The following FIG4 variants were observed in gnomAD, a reference collection of about 807,000 sequenced individuals.
FIG4 encodes polyphosphoinositide phosphatase.
FIG4 carries 112 observed loss-of-function variants against 118.6 expected under a neutral mutation model. The ratio of observed to expected loss-of-function variants is 0.94; its 90% confidence interval spans 0.81 to 1.11. FIG4 has a LOEUF of 1.11. FIG4 is among the 50% of genes least tolerant of loss of function. The pLI is 0.00. For synonymous variants in FIG4, 369 were observed against 381.2 expected (o/e 0.97, Z 0.37); for missense variants, 969 against 1,111.7 (o/e 0.87, Z 1.83).
chr6:109,715,127 T>C lies in FIG4; in HGVS notation c.116T>C (p.Leu39Ser), dbSNP rs373630745. The C allele has an allele frequency of 1.1e-5, 18 of 1,608,040 alleles. No individual in the cohort carries two copies. Among genetic ancestry groups the C allele is most frequent in the Non-Finnish European group, 1.5e-5 (18 of 1,175,062 alleles). ...AATGCAGAAACGAAATATCGTGTCT[T>C]GAAGATTGATAGAACAGAACCAAAA... ...SNNAETKYRV[L>S]KIDRTEPKDL... Residue 39 changes from leucine (L) to serine (S), a missense_variant, in exon 2 of 23, where the codon TTG (leucine) becomes TCG (serine). By Grantham distance (145) the Leu-to-Ser change is moderately radical. Coordinates refer to ENST00000230124, the MANE Select transcript of FIG4 (RefSeq NM_014845.6).
intron 10 of FIG4, among the ~76,000 whole-genome samples, chr6:109,756,609 A>G (rs1013485179): frequency 2.6e-5 from 4 of 152,132 alleles, no homozygotes; most frequent in Non-Finnish European, 5.9e-5. Flanking sequence ...ACATAGTCCC[A>G]TATTTCTTGG....
At chr6:109,814,515 T>A (rs1479642144) in intron 22 of FIG4, among the ~76,000 whole-genome samples, 1 of 152,188 alleles carries the variant, frequency 6.6e-6, no homozygotes, top group East Asian at 1.9e-4. Context: ...CTTGTTTTTT[T>A]CTTGTAATTA....
intron 15 of FIG4, among the ~76,000 whole-genome samples, chr6:109,774,655 T>C (rs560646196): frequency 2.6e-5 from 4 of 152,258 alleles, no homozygotes; most frequent in South Asian, 2.1e-4. Context: ...CAGAAAATGG[T>C]ATGTTGTTCT....
At chr6:109,781,893 C>T (rs1412252747) in intron 16 of FIG4, among the ~76,000 whole-genome samples, 2 of 151,466 alleles carry the variant, frequency 1.3e-5, no homozygotes, top group Non-Finnish European at 3.0e-5. Context: ...TTCCACATAA[C>T]ATTGTTTAGT....
chr6:109,707,380 T>C (rs911851631), intron 1 of FIG4, among the ~76,000 whole-genome samples: 5 of 148,294 alleles, frequency 3.4e-5, no homozygotes, highest in Non-Finnish European at 5.9e-5. Context: ...TATATATACA[T>C]ATATACACAT....
chr6:109,759,788 T>C (rs1229049901), intron 10 of FIG4, among the ~76,000 whole-genome samples: 1 of 152,244 alleles, frequency 6.6e-6, no homozygotes, highest in Non-Finnish European at 1.5e-5. Context: ...TTTGCAAGTC[T>C]AATTTATGAA....
intron 3 of FIG4, among the ~76,000 whole-genome samples, chr6:109,725,641 A>G (rs1263340413): frequency 1.3e-5 from 2 of 152,136 alleles, no homozygotes; most frequent in Non-Finnish European, 1.5e-5. Flanking sequence ...TGCTGGGTCA[A>G]ATGGTATTTC....
At chr6:109,715,327 C>G (rs1775397825) in intron 2 of FIG4, 151 bp downstream of exon 2, 1 of 603,116 alleles carries the variant, frequency 1.7e-6, no homozygotes, top group African/African-American at 1.9e-5. Flanking sequence ...ATTTGAATCT[C>G]CAATCTGATT....
chr6:109,789,240 G>A (rs1778069391), intron 18 of FIG4, among the ~76,000 whole-genome samples: 1 of 152,226 alleles, frequency 6.6e-6, no homozygotes, highest in Non-Finnish European at 1.5e-5. Flanking sequence ...AAGTTCAGAT[G>A]TCAACACTGT....
chr6:109,710,208 A>G (rs751271237), intron 1 of FIG4, among the ~76,000 whole-genome samples: 6 of 152,178 alleles, frequency 3.9e-5, no homozygotes, highest in Non-Finnish European at 8.8e-5. Flanking sequence ...GTCTATTGAG[A>G]TAATCATGTG....
chr6:109,737,803 T>C (rs1776204540), intron 6 of FIG4, among the ~76,000 whole-genome samples: 1 of 152,160 alleles, frequency 6.6e-6, no homozygotes, highest in African/African-American at 2.4e-5. Context: ...ACTAGGCTTA[T>C]TCTAGGCCCC....
At chr6:109,756,067 G>A (rs1776885983) in intron 10 of FIG4, among the ~76,000 whole-genome samples, 1 of 152,192 alleles carries the variant, frequency 6.6e-6, no homozygotes, top group Admixed American at 6.5e-5. Flanking sequence ...TTTTGCAGCG[G>A]CTGGTGCCGG....
In FIG4 at chr6:109,765,998, C is replaced by T. The variant is rs150560537; in HGVS notation, c.1584-731C>T. 2.6e-5 allele frequency among the ~76,000 whole-genome samples: 4 copies of T among 152,302 alleles called. No homozygotes were observed. The East Asian group carries it at 5.8e-4, about 22-fold the overall frequency. On this transcript the variant is annotated intron_variant, in intron 14 of 22. Coordinates refer to ENST00000230124, the MANE Select transcript of FIG4 (RefSeq NM_014845.6). ...AGAAAGAATATGGTTTCTTAGTCTGCTGTGATCTGAATGTTTGTGTCTTCC... is the reference window on the plus strand; with the variant it reads ...AGAAAGAATATGGTTTCTTAGTCTGTTGTGATCTGAATGTTTGTGTCTTCC...
At chr6:109,797,192 G>A (rs1188209246) in intron 22 of FIG4, among the ~76,000 whole-genome samples, 1 of 152,178 alleles carries the variant, frequency 6.6e-6, no homozygotes, top group Non-Finnish European at 1.5e-5. Context: ...TTGAGGATAT[G>A]GATCGATTTG....
chr6:109,746,785 G>A (rs1165507232), intron 10 of FIG4, among the ~76,000 whole-genome samples: 1 of 152,138 alleles, frequency 6.6e-6, no homozygotes, highest in Non-Finnish European at 1.5e-5. Flanking sequence ...TCGGTACAAG[G>A]CTAATGTCAA....
intron 1 of FIG4, among the ~76,000 whole-genome samples, chr6:109,691,917 A>G (rs905785585): frequency 2.0e-5 from 3 of 152,170 alleles, no homozygotes; most frequent in Admixed American, 1.3e-4. Flanking sequence ...ATTTTTTCCT[A>G]TTCCATGGTA....
At chr6:109,775,000 T>C (rs1406680158) in intron 15 of FIG4, among the ~76,000 whole-genome samples, 2 of 152,240 alleles carry the variant, frequency 1.3e-5, no homozygotes, top group East Asian at 1.9e-4. Context: ...AGAATTGTTA[T>C]ATTTAAACCT....
chr6:109,733,163 A>G (rs1428419771), intron 5 of FIG4, among the ~76,000 whole-genome samples: 1 of 152,152 alleles, frequency 6.6e-6, no homozygotes, highest in Admixed American at 6.6e-5. Flanking sequence ...TTGAACATAC[A>G]TGAAAATATG....
intron 1 of FIG4, among the ~76,000 whole-genome samples, chr6:109,707,301 G>A (rs1195628579): frequency 1.3e-5 from 2 of 148,930 alleles, no homozygotes; most frequent in Non-Finnish European, 3.0e-5. Flanking sequence ...ATGTGTGTGT[G>A]TGTGTGTATG....
Sources: gnomAD v4.1 joint callset for allele counts (sites outside exome capture counted in the v4.1 genomes callset) on GRCh38, gnomAD v4.1.1 for gene constraint, MANE v1.5 for transcripts, NCBI Gene and HGNC (gene_info 2026-07-23, HGNC 2026-07-21) for gene names.